The following KSR1 variants were observed in gnomAD, a reference collection of about 807,000 sequenced individuals.
The protein encoded by KSR1 is kinase suppressor of ras 1, also known as kinase suppressor of ras.
A neutral mutation model predicts 92.9 loss-of-function variants in KSR1; 35 were observed. The ratio of observed to expected loss-of-function variants is 0.38; its 90% CI spans 0.29 to 0.50. KSR1 has a LOEUF of 0.50. Among genes scored for constraint, KSR1 ranks in the 20% least tolerant of loss-of-function variants. The pLI is 0.94. For synonymous variants in KSR1, 467 were observed against 472.6 expected (o/e 0.99, Z 0.15); for missense variants, 972 against 1,158.5 (o/e 0.84, Z 2.34).
At chr17:27,535,487 G>A (rs530295046) in intron 1 of KSR1, among the ~76,000 whole-genome samples, 2 of 152,306 alleles carry the variant, frequency 1.3e-5, no homozygotes, top group African/African-American at 2.4e-5. Context: ...TTGTTAAAAG[G>A]GTGTGGATGC....
At chr17:27,496,686 A>G (rs2068998459) in intron 1 of KSR1, among the ~76,000 whole-genome samples, 1 of 152,210 alleles carries the variant, frequency 6.6e-6, no homozygotes, top group Admixed American at 6.5e-5. Flanking sequence ...ATCTCAGGTT[A>G]ATGATTAAGC....
intron 2 of KSR1, among the ~76,000 whole-genome samples, chr17:27,553,960 T>C (rs1299947158): frequency 3.8e-4 from 58 of 152,138 alleles, no homozygotes; most frequent in Non-Finnish European, 5.9e-5. Context: ...GGGTCTATTT[T>C]ATTCTGTTTC....
chr17:27,551,618 G>A (rs942603308), intron 2 of KSR1, among the ~76,000 whole-genome samples: 17 of 150,846 alleles, frequency 1.1e-4, no homozygotes, highest in Admixed American at 9.9e-4. Context: ...TATCTGGACT[G>A]TCCTGTAAGG....
At chr17:27,502,766 C>A (rs2069237349) in intron 1 of KSR1, among the ~76,000 whole-genome samples, 1 of 152,238 alleles carries the variant, frequency 6.6e-6, no homozygotes, top group South Asian at 2.1e-4. Context: ...GTGCAAATGG[C>A]AAGAATTCTG....
intron 1 of KSR1, among the ~76,000 whole-genome samples, chr17:27,477,569 A>G (rs2068382661): frequency 6.6e-6 from 1 of 152,178 alleles, no homozygotes; most frequent in South Asian, 2.1e-4. Flanking sequence ...GGGTGGTACA[A>G]GTTAAAAATC....
At position 27,593,100 on chromosome 17, in the gene KSR1, G is replaced by A. The variant is rs73983484; in HGVS notation, c.1299+474G>A. ...TAAAGCAATTGCCATGGCAGCCACC[G>A]AGCAAGGCTTTGCTGCCCTCACAAG... On this transcript the variant is annotated intron_variant, in intron 9 of 20. Coordinates refer to ENST00000644974, the MANE Select transcript of KSR1 (RefSeq NM_001394583.1). Among the ~76,000 whole-genome samples the A allele has an allele frequency of 1.6e-3, 243 of 152,326 alleles. 1 individual carries two copies. The highest frequency in any genetic ancestry group is 5.5e-3 in the African/African-American group (227 of 41,564).
intron 1 of KSR1, among the ~76,000 whole-genome samples, chr17:27,530,743 C>G (rs887957529): frequency 3.9e-5 from 6 of 152,328 alleles, no homozygotes; most frequent in African/African-American, 1.2e-4. Flanking sequence ...TATAGCCTTC[C>G]CACTCAGATC....
At chr17:27,476,188 C>A (rs73271906) in intron 1 of KSR1, among the ~76,000 whole-genome samples, 1 of 152,148 alleles carries the variant, frequency 6.6e-6, no homozygotes. Context: ...GATTCTTGAG[C>A]CCCCACCCCT....
At chr17:27,482,815 C>G (rs968630599) in intron 1 of KSR1, among the ~76,000 whole-genome samples, 1 of 152,072 alleles carries the variant, frequency 6.6e-6, no homozygotes, top group Non-Finnish European at 1.5e-5. Flanking sequence ...GAAATGCATA[C>G]AGTTGTTAAA....
At chr17:27,604,827 C>A in intron 13 of KSR1, 99 bp downstream of exon 13, 2 of 1,263,282 alleles carry the variant, frequency 1.6e-6, no homozygotes, top group Non-Finnish European at 2.3e-6. Context: ...GGGTTCTGGA[C>A]TTTGGCAAGG....
chr17:27,467,980 T>G (rs933873173), intron 1 of KSR1, among the ~76,000 whole-genome samples: 1 of 151,842 alleles, frequency 6.6e-6, no homozygotes, highest in Non-Finnish European at 1.5e-5. Flanking sequence ...CCCGGCTAAT[T>G]TTTCGTTTTC....
In KSR1 at chr17:27,561,084, C is replaced by G. The variant is rs531179357; in HGVS notation, c.372+10376C>G. 1.1e-3 allele frequency among the ~76,000 whole-genome samples: 161 copies of G among 152,240 alleles called. 1 individual carries two copies. The highest frequency in any genetic ancestry group is 1.1e-3 in the Non-Finnish European group (72 of 68,024). On this transcript the variant is annotated intron_variant, in intron 2 of 20. Transcript: ENST00000644974. ...TGGAAGGAAGGGGCAAGCTACAAGG[C>G]CAGCATTGTATAGATGTCATCCTGT...
At chr17:27,489,003 A>G (rs1331039993) in intron 1 of KSR1, among the ~76,000 whole-genome samples, 2 of 152,232 alleles carry the variant, frequency 1.3e-5, no homozygotes, top group African/African-American at 4.8e-5. Flanking sequence ...TTGTCTCAGC[A>G]TCTCTGACCT....
intron 1 of KSR1, among the ~76,000 whole-genome samples, chr17:27,485,016 T>G (rs1434405949): frequency 6.6e-6 from 1 of 152,176 alleles, no homozygotes. Context: ...CCAGAGAGGT[T>G]AAGACAGTTT....
At chr17:27,574,591 C>T (rs562362684) in intron 2 of KSR1, among the ~76,000 whole-genome samples, 1 of 152,308 alleles carries the variant, frequency 6.6e-6, no homozygotes, top group Admixed American at 6.5e-5. Flanking sequence ...GCATCTAGCT[C>T]CAGCCTTGCT....
intron 1 of KSR1, chr17:27,526,833 G>T (rs891669360): frequency 6.5e-6 from 5 of 767,778 alleles, no homozygotes; most frequent in African/African-American, 3.5e-5. Flanking sequence ...TCCTCCTCCG[G>T]GGGGAGGGGT....
At chr17:27,477,638 G>A (rs546758235) in intron 1 of KSR1, among the ~76,000 whole-genome samples, 2 of 152,064 alleles carry the variant, frequency 1.3e-5, no homozygotes, top group East Asian at 1.9e-4. Context: ...CTCCACTTCC[G>A]GCCCATCCCT....
intron 1 of KSR1, among the ~76,000 whole-genome samples, chr17:27,489,337 G>T (rs535054934): frequency 1.3e-5 from 2 of 152,348 alleles, no homozygotes; most frequent in East Asian, 1.9e-4. Flanking sequence ...CCCTGCGAGG[G>T]ATCTGGGTCT....
At chr17:27,475,849 T>G (rs902436890) in intron 1 of KSR1, among the ~76,000 whole-genome samples, 1 of 152,078 alleles carries the variant, frequency 6.6e-6, no homozygotes, top group Non-Finnish European at 1.5e-5. Context: ...AGAGGCTGGG[T>G]AAGAACATGA....
Sources: gnomAD v4.1 joint callset for allele counts (sites outside exome capture counted in the v4.1 genomes callset) on GRCh38, gnomAD v4.1.1 for gene constraint, MANE v1.5 for transcripts, NCBI Gene and HGNC (gene_info 2026-07-23, HGNC 2026-07-21) for gene names.